GOPC: variants seen among roughly 807,000 people sequenced by gnomAD.
GOPC encodes Golgi-associated PDZ and coiled-coil motif-containing protein.
Under a neutral mutation model 51.2 loss-of-function variants are expected in GOPC, and 32 were observed. The ratio of observed to expected loss-of-function variants is 0.63; its 90% confidence interval spans 0.47 to 0.84. The LOEUF (loss-of-function observed/expected upper bound fraction) is 0.84, where lower values mean the gene tolerates loss of function less well. Ranked by LOEUF, GOPC falls within the 40% of genes least tolerant of loss-of-function variation. GOPC has a pLI of 0.00. For synonymous variants in GOPC, 190 were observed against 205.1 expected (o/e 0.93, Z 0.63); for missense variants, 441 against 555.5 (o/e 0.79, Z 2.07).
intron 1 of GOPC, among the ~76,000 whole-genome samples, chr6:117,601,440 G>A (rs1259982013): frequency 2.0e-5 from 3 of 152,136 alleles, no homozygotes; most frequent in Admixed American, 1.3e-4. Context: ...GTATCTGCCT[G>A]TAATTTAACA....
At chr6:117,593,897 G>A (rs1190882484) in intron 1 of GOPC, among the ~76,000 whole-genome samples, 2 of 151,746 alleles carry the variant, frequency 1.3e-5, no homozygotes, top group African/African-American at 4.8e-5. Flanking sequence ...AGTTTCTCTT[G>A]TTCTGAATAC....
At chr6:117,563,496 T>C in intron 8 of GOPC, 112 bp from the exon 9 acceptor site, 1 of 951,826 alleles carries the variant, frequency 1.1e-6, no homozygotes, top group Non-Finnish European at 1.6e-6. Context: ...CCAAGGTGGG[T>C]GGATAACCTG....
rs202008526 is a variant in GOPC, at chr6:117,573,636, C to T, written c.651-4G>A. ...TAGCAATTGTATCTGTTGGACCCTT[C>T]ATATTGGGAAAAGAGTACATTGATT... On this transcript the variant is annotated splice_polypyrimidine_tract_variant and splice_region_variant and intron_variant, in intron 4 of 8. Coordinates refer to ENST00000368498, the MANE Select transcript of GOPC (RefSeq NM_020399.4). 2.5e-4 allele frequency: 404 copies of T among 1,603,062 alleles called. 4 individuals are homozygous for T. In the East Asian group the frequency reaches 9.0e-3, roughly 36 times the overall value.
chr6:117,584,201 G>T (rs1026475147), intron 1 of GOPC, among the ~76,000 whole-genome samples: 1 of 152,152 alleles, frequency 6.6e-6, no homozygotes, highest in Non-Finnish European at 1.5e-5. Context: ...GTGACCAAAT[G>T]TGGGGGATTT....
intron 1 of GOPC, among the ~76,000 whole-genome samples, chr6:117,583,403 A>G (rs1335800340): frequency 3.9e-5 from 6 of 152,314 alleles, no homozygotes; most frequent in Admixed American, 3.3e-4. Context: ...ATTTCAATGA[A>G]CAGAGTGCTT....
rs551922895 is a variant in GOPC, at chr6:117,561,888, A to AT, written c.*1365_*1366insA. 762 of 206,724 alleles carry AT rather than the reference A, an allele frequency of 3.7e-3. 1 individual carries two copies. The highest frequency in any genetic ancestry group is 0.011 in the Middle Eastern group (7 of 626). The allele number at this position is 206,724 out of a possible 1,614,324, so 12.8% of individuals were successfully genotyped here. A position where few individuals can be genotyped will look rare whatever the true frequency, so the allele number is the denominator to read the frequency against. On this transcript the variant is annotated 3_prime_UTR_variant, in exon 9 of 9. Transcript: ENST00000368498. ...TAGATTTACCCTTGAACAAATATAT[A>AT]GTGTATCTGGGAAAGCCAAAAAAAA...
Position 117,602,390 on chromosome 6 carries a change from C to A in GOPC, c.-102G>T, listed in dbSNP as rs1032127788. On this transcript the variant is annotated 5_prime_UTR_variant, in exon 1 of 9. Coordinates refer to ENST00000368498, the MANE Select transcript of GOPC (RefSeq NM_020399.4). ...GGGGACCCCCGCGCGCGCGGGCACA[C>A]TCCGTCACCTCCCTTCACCTCGCGC... 2.6e-5 allele frequency: 29 copies of A among 1,109,468 alleles called. No homozygotes were observed. In the African/African-American group the frequency reaches 4.6e-4, roughly 18 times the overall value. 68.7% of individuals were successfully genotyped at this position (1,109,468 alleles called of 1,614,324 possible). A position where few individuals can be genotyped will look rare whatever the true frequency, so the allele number is the denominator to read the frequency against.
At chr6:117,585,765 A>C (rs1413850422) in intron 1 of GOPC, among the ~76,000 whole-genome samples, 1 of 152,210 alleles carries the variant, frequency 6.6e-6, no homozygotes, top group Non-Finnish European at 1.5e-5. Flanking sequence ...ATACCCATAC[A>C]CATGCACAAA....
chr6:117,565,093 T>C (rs1353556630), intron 8 of GOPC, among the ~76,000 whole-genome samples: 1 of 152,228 alleles, frequency 6.6e-6, no homozygotes, highest in Non-Finnish European at 1.5e-5. Context: ...ATTCATTTCT[T>C]TGTTAAAAAT....
chr6:117,597,388 G>T (rs1426698777), intron 1 of GOPC, among the ~76,000 whole-genome samples: 1 of 152,104 alleles, frequency 6.6e-6, no homozygotes, highest in African/African-American at 2.4e-5. Flanking sequence ...TCTTTCTCTT[G>T]TCTGATTGCT....
intron 1 of GOPC, among the ~76,000 whole-genome samples, chr6:117,579,941 A>G (rs958779357): frequency 5.3e-5 from 8 of 152,096 alleles, no homozygotes; most frequent in African/African-American, 1.9e-4. Flanking sequence ...ACACATGTGG[A>G]CCAACTAAAA....
rs1583046006 is a variant in GOPC, at chr6:117,562,374, T to C, written c.*880A>G. On this transcript the variant is annotated 3_prime_UTR_variant, in exon 9 of 9. Coordinates refer to ENST00000368498, the MANE Select transcript of GOPC (RefSeq NM_020399.4). Reference sequence around the variant, plus strand: ...TCTGAACTTTTACTACCAGAAAAATTTGTCTTTAAGTGCCAGGACTATCAC... The same window carrying C: ...TCTGAACTTTTACTACCAGAAAAATCTGTCTTTAAGTGCCAGGACTATCAC... 1.0e-5 allele frequency: 2 copies of C among 199,466 alleles called. No homozygotes were observed. Among genetic ancestry groups the C allele is most frequent in the East Asian group, 1.6e-4 (2 of 12,788 alleles). The allele number at this position is 199,466 out of a possible 1,614,324, so 12.4% of individuals were successfully genotyped here. A position where few individuals can be genotyped will look rare whatever the true frequency, so the allele number is the denominator to read the frequency against.
Position 117,561,045 on chromosome 6 carries a change from C to T in GOPC, c.*2209G>A, listed in dbSNP as rs562398072. 14 of 221,918 alleles carry T rather than the reference C, an allele frequency of 6.3e-5. No individual in the cohort carries two copies. Among genetic ancestry groups the T allele is most frequent in the Non-Finnish European group, 1.2e-4 (13 of 110,966 alleles). The allele number at this position is 221,918 out of a possible 1,614,324, so 13.7% of individuals were successfully genotyped here. On this transcript the variant is annotated 3_prime_UTR_variant, in exon 9 of 9. Coordinates refer to ENST00000368498, the MANE Select transcript of GOPC (RefSeq NM_020399.4). ...CTTTTAACTAGTTACTTTCTAACAC[C>T]GGACAGGAAGCTCACAGTAGCATCT...
chr6:117,591,982 T>C (rs1780124763), intron 1 of GOPC, among the ~76,000 whole-genome samples: 2 of 152,190 alleles, frequency 1.3e-5, no homozygotes, highest in African/African-American at 4.8e-5. Flanking sequence ...CCTAATCTTA[T>C]CTCATTATCT....
intron 1 of GOPC, among the ~76,000 whole-genome samples, chr6:117,579,282 G>T (rs1482744833): frequency 6.6e-6 from 1 of 152,022 alleles, no homozygotes; most frequent in African/African-American, 2.4e-5. Flanking sequence ...ACTATAAGCT[G>T]TATCTTCTAA....
At chr6:117,576,410 A>C (rs116744468) in intron 3 of GOPC, among the ~76,000 whole-genome samples, 288 of 152,156 alleles carry the variant, frequency 1.9e-3, no homozygotes, top group African/African-American at 6.7e-3. Flanking sequence ...TTATTTCAGA[A>C]CCTATGTCCT....
At position 117,583,204 on chromosome 6, in the gene GOPC, T is replaced by C. The variant is rs781564234; in HGVS notation, c.286-4140A>G. Among the ~76,000 whole-genome samples the C allele has an allele frequency of 5.1e-4, 78 of 152,188 alleles. 1 individual carries two copies. Among genetic ancestry groups the C allele is most frequent in the Admixed American group, 4.4e-3 (68 of 15,282 alleles). ...TGCCAAAGCAGCCAGCCAGTTCTCATACTCGTTTGCTCGTGTGCTCCCACC... is the reference window on the plus strand; with the variant it reads ...TGCCAAAGCAGCCAGCCAGTTCTCACACTCGTTTGCTCGTGTGCTCCCACC... On this transcript the variant is annotated intron_variant, in intron 1 of 8. Coordinates refer to ENST00000368498, the MANE Select transcript of GOPC (RefSeq NM_020399.4).
intron 1 of GOPC, among the ~76,000 whole-genome samples, chr6:117,583,104 C>T (rs929180041): frequency 6.6e-6 from 1 of 152,092 alleles, no homozygotes; most frequent in African/African-American, 2.4e-5. Flanking sequence ...GTTCCTACAC[C>T]TGCTTGCCTA....
intron 1 of GOPC, among the ~76,000 whole-genome samples, chr6:117,584,187 TTC>T (rs906843486): frequency 3.9e-5 from 6 of 152,206 alleles, no homozygotes; most frequent in African/African-American, 9.6e-5. Flanking sequence ...TCACAGAAAC[TTC>T]TGTGACCAAA....
Sources: gnomAD v4.1 joint callset for allele counts (sites outside exome capture counted in the v4.1 genomes callset) on GRCh38, gnomAD v4.1.1 for gene constraint, MANE v1.5 for transcripts, NCBI Gene and HGNC (gene_info 2026-07-23, HGNC 2026-07-21) for gene names.